Variants in ATG7 observed in about 807,000 individuals in gnomAD.
The protein encoded by ATG7 is autophagy related 7, also known as ubiquitin-like modifier-activating enzyme ATG7.
A neutral mutation model predicts 82.4 loss-of-function variants in ATG7; 70 were observed. The ratio of observed to expected loss-of-function variants is 0.85; its 90% CI spans 0.70 to 1.04. The LOEUF (loss-of-function observed/expected upper bound fraction) is 1.04, where lower values mean the gene tolerates loss of function less well. Ranked by LOEUF, ATG7 falls within the 50% of genes least tolerant of loss-of-function variation. ATG7 has a pLI of 0.00. For synonymous variants in ATG7, 287 were observed against 313.0 expected (o/e 0.92, Z 0.88); for missense variants, 792 against 864.3 (o/e 0.92, Z 1.05).
rs961761946 is a variant in ATG7 at position 11,337,666 on chromosome 3, G to A, written c.890-2979G>A. On this transcript the variant is annotated intron_variant, in intron 11 of 20. Coordinates refer to ENST00000693202, the MANE Select transcript of ATG7 (RefSeq NM_001349232.2). ...CTTTATTATTATTATTATTTTTTGA[G>A]AGATGAGGTCTTCTTATGTTGCCCA... Among the ~76,000 whole-genome samples the A allele has an allele frequency of 2.0e-5, 3 of 151,618 alleles. No homozygotes were observed. In the South Asian group the frequency reaches 6.2e-4, roughly 31 times the overall value.
chr3:11,555,128 A>C lies in ATG7; in HGVS notation c.*285A>C, dbSNP rs1418246892. 2.1e-6 allele frequency: 1 copy of C among 465,392 alleles called. No individual in the cohort carries two copies. Among genetic ancestry groups the C allele is most frequent in the Non-Finnish European group, 3.8e-6 (1 of 262,632 alleles). 28.8% of individuals were successfully genotyped at this position (465,392 alleles called of 1,614,324 possible). ...TTTATTTCTTGTCACAGTGACTGATAGCCATCCCCCAGGATCCTTTCCCCT... is the reference window on the plus strand; with the variant it reads ...TTTATTTCTTGTCACAGTGACTGATCGCCATCCCCCAGGATCCTTTCCCCT... On this transcript the variant is annotated 3_prime_UTR_variant, in exon 21 of 21. Transcript: ENST00000693202.
chr3:11,525,372 A>G (rs1341497464), intron 20 of ATG7, among the ~76,000 whole-genome samples: 1 of 151,164 alleles, frequency 6.6e-6, no homozygotes, highest in Non-Finnish European at 1.5e-5. Flanking sequence ...TATTCCTTGA[A>G]AAGAGGAAAC....
chr3:11,455,538 T>G (rs1191358920), intron 20 of ATG7, among the ~76,000 whole-genome samples: 1 of 152,216 alleles, frequency 6.6e-6, no homozygotes, highest in Non-Finnish European at 1.5e-5. Context: ...GTACAATTCC[T>G]TCTTCCGGTG....
intron 20 of ATG7, among the ~76,000 whole-genome samples, chr3:11,550,091 TTC>T (rs2071635484): frequency 6.6e-6 from 1 of 152,194 alleles, no homozygotes; most frequent in South Asian, 2.1e-4. Flanking sequence ...GTTGTAAGAG[TTC>T]TCTTTATTTT....
chr3:11,381,661 C>T (rs890674243), intron 19 of ATG7, among the ~76,000 whole-genome samples: 1 of 152,144 alleles, frequency 6.6e-6, no homozygotes, highest in African/African-American at 2.4e-5. Context: ...ATTATTTCCT[C>T]TTGGTGATCA....
intron 20 of ATG7, among the ~76,000 whole-genome samples, chr3:11,539,834 G>A (rs926472598): frequency 2.0e-5 from 3 of 152,240 alleles, no homozygotes; most frequent in South Asian, 2.1e-4. Flanking sequence ...CATCGAGCAG[G>A]TCTGTCTGGC....
intron 20 of ATG7, among the ~76,000 whole-genome samples, chr3:11,439,086 T>TG (rs2083633887): frequency 1.3e-5 from 2 of 149,310 alleles, no homozygotes; most frequent in South Asian, 4.2e-4. Flanking sequence ...TTTTTTTTTT[T>TG]GAGACAGAGT....
chr3:11,439,035 T>G (rs1337423703), intron 20 of ATG7, among the ~76,000 whole-genome samples: 1 of 151,568 alleles, frequency 6.6e-6, no homozygotes, highest in Non-Finnish European at 1.5e-5. Flanking sequence ...AGTTCTGAGC[T>G]CTTAGTCTTA....
At chr3:11,492,137 G>T (rs1287805940) in intron 20 of ATG7, among the ~76,000 whole-genome samples, 1 of 152,202 alleles carries the variant, frequency 6.6e-6, no homozygotes. Context: ...AGGACCCTCC[G>T]AGCCAGGTGT....
chr3:11,467,397 G>C (rs116741604), intron 20 of ATG7, among the ~76,000 whole-genome samples: 1,867 of 152,270 alleles, frequency 0.012, 35 homozygotes, highest in African/African-American at 0.041. Context: ...TTTGTTTTGA[G>C]ATGGAGTCTC....
the ATG7 span, among the ~76,000 whole-genome samples, chr3:11,572,352 C>T: frequency 6.6e-6 from 1 of 152,192 alleles, no homozygotes; most frequent in African/African-American, 2.4e-5. Flanking sequence ...ATTGGACTGG[C>T]TCCAAAGCCT....
rs373763483 is a variant in ATG7, at chr3:11,348,029, C to T, written c.1278C>T (p.Pro426=). Residue 426 remains proline, a synonymous_variant, in exon 14 of 21, where the codon CCC becomes CCT. Coordinates refer to ENST00000693202, the MANE Select transcript of ATG7 (RefSeq NM_001349232.2). ...CGGACCGGCTCCAGAAAATATTCCC[C>T]GGTGTGGTATGTTGTTGCTTTTGCA... ...AAADRLQKIF[P]GVNARGFNMS... is the part of the protein sequence containing the mutation. 3.4e-5 allele frequency: 55 copies of T among 1,613,170 alleles called. No homozygotes were observed. The South Asian group carries it at 3.8e-4, about 11-fold the overall frequency.
intron 20 of ATG7, among the ~76,000 whole-genome samples, chr3:11,490,966 T>G (rs1449029341): frequency 6.6e-6 from 1 of 152,126 alleles, no homozygotes; most frequent in Non-Finnish European, 1.5e-5. Context: ...TTGCTCTTCT[T>G]GAGGAGTATC....
intron 3 of ATG7, chr3:11,288,881 C>T (rs745974302): frequency 6.6e-6 from 1 of 152,170 alleles, no homozygotes; most frequent in African/African-American, 2.4e-5. Context: ...TAACCACACA[C>T]GCTGCTATTT....
At chr3:11,558,859 C>G (rs1042355164), downstream of ATG7, 10 of 1,604,728 alleles carry the variant, frequency 6.2e-6, no homozygotes, top group Admixed American at 3.3e-5. Flanking sequence ...GGCAGTCAGA[C>G]ACAGGTGGCT....
rs372879728 is a variant in ATG7, at chr3:11,478,352, C to G, written c.2079+51426C>G. On this transcript the variant is annotated intron_variant, in intron 20 of 20. Coordinates refer to ENST00000693202, the MANE Select transcript of ATG7 (RefSeq NM_001349232.2). ...ATTCATCTGAGTTTCAAATGATTGC[C>G]TAATCTTACCTGTAATCATTATTGA... 2.6e-3 allele frequency among the ~76,000 whole-genome samples: 393 copies of G among 152,246 alleles called. 1 individual carries two copies. Among genetic ancestry groups the G allele is most frequent in the African/African-American group, 9.0e-3 (375 of 41,556 alleles).
At chr3:11,391,095 C>T (rs749212273) in intron 19 of ATG7, among the ~76,000 whole-genome samples, 10 of 152,126 alleles carry the variant, frequency 6.6e-5, no homozygotes, top group Admixed American at 1.3e-4. Context: ...GATCAGGTGC[C>T]GTTCCCATTT....
At chr3:11,329,025 G>T (rs993288064) in intron 9 of ATG7, among the ~76,000 whole-genome samples, 2 of 152,204 alleles carry the variant, frequency 1.3e-5, no homozygotes, top group African/African-American at 4.8e-5. Context: ...ATCCTATGAG[G>T]TGGAGGTTGC....
At chr3:11,389,598 AG>A (rs2078622655) in intron 19 of ATG7, among the ~76,000 whole-genome samples, 1 of 152,226 alleles carries the variant, frequency 6.6e-6, no homozygotes, top group African/African-American at 2.4e-5. Flanking sequence ...AGCTACTGCA[AG>A]TGTGCCAAAT....
Sources: allele counts gnomAD v4.1 joint callset (sites outside exome capture counted in the v4.1 genomes callset), GRCh38; gene constraint gnomAD v4.1.1; transcripts MANE v1.5; gene names NCBI Gene and HGNC (gene_info 2026-07-23, HGNC 2026-07-21).